The following DUS2 variants were observed in gnomAD, a reference collection of about 807,000 sequenced individuals.
The protein encoded by DUS2 is dihydrouridine synthase 2, also known as tRNA-dihydrouridine(20) synthase [NAD(P)+]-like.
In DUS2, 52 loss-of-function variants were observed where a neutral mutation model predicts 71.3. That is an observed-to-expected ratio of 0.73 (90% CI 0.58 to 0.92). The LOEUF (loss-of-function observed/expected upper bound fraction) is 0.92, where lower values mean the gene tolerates loss of function less well. DUS2 is among the 40% of genes least tolerant of loss of function. DUS2 has a pLI of 0.00. For synonymous variants in DUS2, 204 were observed against 227.8 expected (o/e 0.90, Z 0.94); for missense variants, 558 against 622.6 (o/e 0.90, Z 1.10).
At chr16:68,045,623 A>C (rs1168907593) in intron 3 of DUS2, among the ~76,000 whole-genome samples, 1 of 151,752 alleles carries the variant, frequency 6.6e-6, no homozygotes, top group African/African-American at 2.4e-5. Context: ...AAAAAAAAAA[A>C]AACATCATCT....
chr16:68,057,181 TAATA>T (rs903836672), intron 7 of DUS2, among the ~76,000 whole-genome samples: 4 of 142,080 alleles, frequency 2.8e-5, no homozygotes, highest in South Asian at 2.1e-4. Flanking sequence ...AATAAATATA[TAATA>T]AATATATATT....
intron 1 of DUS2, 195 bp downstream of exon 1, chr16:68,023,546 C>T: frequency 3.3e-6 from 1 of 304,052 alleles, no homozygotes; most frequent in Non-Finnish European, 6.6e-6. Flanking sequence ...TCCTCATTGC[C>T]CTGAGATAGC....
intron 6 of DUS2, among the ~76,000 whole-genome samples, chr16:68,054,992 G>A (rs2033831794): frequency 1.3e-5 from 2 of 151,756 alleles, no homozygotes; most frequent in Non-Finnish European, 1.5e-5. Context: ...GCAGTGAGCC[G>A]AGATTGCGCC....
chr16:68,055,197 C>T, intron 6 of DUS2, among the ~76,000 whole-genome samples: 1 of 152,140 alleles, frequency 6.6e-6, no homozygotes, highest in East Asian at 1.9e-4. Context: ...TTCCCAGGGA[C>T]TCCCATGACT....
intron 3 of DUS2, among the ~76,000 whole-genome samples, chr16:68,045,135 T>C (rs950057803): frequency 1.3e-5 from 2 of 152,204 alleles, no homozygotes; most frequent in African/African-American, 4.8e-5. Flanking sequence ...ATTTCTTAAT[T>C]TCCTTTTGTA....
rs535323344 is a variant in DUS2, at chr16:68,034,296, TGATCTCCCATCTCCAACTCAAGC to T, written c.-18-3701_-18-3679del. Among the ~76,000 whole-genome samples, 546 of 152,296 alleles carry T rather than the reference TGATCTCCCATCTCCAACTCAAGC, an allele frequency of 3.6e-3. 6 individuals are homozygous for T. Among genetic ancestry groups the T allele is most frequent in the African/African-American group, 0.012 (504 of 41,570 alleles). ...CCCAGGCTAATCTCCAACTCCAAGC[TGATCTCCCATCTCCAACTCAAGC>T]GATCTCCCCACCATGGCCTCCTTAG... is the stretch of plus-strand genomic sequence containing the variant. On this transcript the variant is annotated intron_variant, in intron 2 of 16. Transcript: ENST00000565263.
intron 2 of DUS2, among the ~76,000 whole-genome samples, chr16:68,033,900 A>AT (rs780188783): frequency 2.0e-4 from 30 of 151,836 alleles, no homozygotes; most frequent in Non-Finnish European, 2.5e-4. Context: ...CCAAAGCACT[A>AT]GGATTACAGA....
At chr16:68,035,647 C>T (rs953687350) in intron 2 of DUS2, among the ~76,000 whole-genome samples, 6 of 151,144 alleles carry the variant, frequency 4.0e-5, no homozygotes, top group African/African-American at 1.5e-4. Flanking sequence ...CCTTGGCCTC[C>T]CAAAGTGCTG....
At chr16:68,061,358 G>C (rs1165705758) in intron 8 of DUS2, among the ~76,000 whole-genome samples, 1 of 152,198 alleles carries the variant, frequency 6.6e-6, no homozygotes, top group Non-Finnish European at 1.5e-5. Context: ...TGTCAATGAA[G>C]AGCCAGGGGT....
chr16:68,073,868 T>C (rs1053293795), intron 12 of DUS2, among the ~76,000 whole-genome samples, 166 bp from the exon 13 acceptor site: 7 of 152,138 alleles, frequency 4.6e-5, no homozygotes, highest in African/African-American at 2.4e-5. Context: ...GGATTACAGA[T>C]GTGAGCCACT....
chr16:68,053,933 A>AT (rs969804842), intron 5 of DUS2: 2 of 421,446 alleles, frequency 4.7e-6, no homozygotes, highest in South Asian at 3.3e-5. Flanking sequence ...TGATTTCTCT[A>AT]TTTTTTTATC....
rs1283268746 is a variant in DUS2 at position 68,075,519 on chromosome 16, T to C, written c.1082+15T>C. The C allele has an allele frequency of 3.1e-6, 5 of 1,606,854 alleles. No homozygotes were observed. The highest frequency in any genetic ancestry group is 3.4e-6 in the Non-Finnish European group (4 of 1,176,028). ...AAGTTTGACCGGTAGGTCTCCAGCTTGGCCTCAGCTTGGGCTAGGGCCAGC... is the reference window on the plus strand; with the variant it reads ...AAGTTTGACCGGTAGGTCTCCAGCTCGGCCTCAGCTTGGGCTAGGGCCAGC... On this transcript the variant is annotated intron_variant, in intron 14 of 16. Transcript: ENST00000565263.
At chr16:68,070,019 C>T (rs1221803319) in intron 10 of DUS2, 115 bp from the exon 11 acceptor site, 17 of 894,150 alleles carry the variant, frequency 1.9e-5, no homozygotes, top group Non-Finnish European at 3.1e-5. Flanking sequence ...ATATGGCCAC[C>T]TGACCTTCCT....
intron 2 of DUS2, among the ~76,000 whole-genome samples, chr16:68,028,712 G>A (rs2033393979): frequency 6.6e-6 from 1 of 152,128 alleles, no homozygotes; most frequent in South Asian, 2.1e-4. Flanking sequence ...CATTTATTAA[G>A]CCTTTACTAT....
At chr16:68,066,805 G>C (rs2034011726) in intron 10 of DUS2, among the ~76,000 whole-genome samples, 169 bp downstream of exon 10, 1 of 152,150 alleles carries the variant, frequency 6.6e-6, no homozygotes, top group African/African-American at 2.4e-5. Context: ...GGCAGACCCT[G>C]AATGGGCTTT....
chr16:68,069,142 A>G (rs1282252974), intron 10 of DUS2, among the ~76,000 whole-genome samples: 1 of 151,946 alleles, frequency 6.6e-6, no homozygotes, highest in Non-Finnish European at 1.5e-5. Flanking sequence ...GAATCCCACC[A>G]CTTTAGGAGG....
intron 2 of DUS2, among the ~76,000 whole-genome samples, chr16:68,036,106 C>T (rs1157817638): frequency 6.6e-6 from 1 of 150,972 alleles, no homozygotes; most frequent in Non-Finnish European, 1.5e-5. Context: ...AAGCAATTCT[C>T]TTGCCTCAGC....
intron 12 of DUS2, among the ~76,000 whole-genome samples, chr16:68,071,745 C>T (rs895735503): frequency 2.0e-5 from 3 of 151,642 alleles, no homozygotes; most frequent in Admixed American, 2.0e-4. Flanking sequence ...TCAAGTGATC[C>T]TCCTGCTTCA....
chr16:68,048,192 T>A (rs1000209731), intron 3 of DUS2, among the ~76,000 whole-genome samples: 14 of 152,240 alleles, frequency 9.2e-5, no homozygotes, highest in Non-Finnish European at 2.9e-5. Flanking sequence ...GCTTAATTGT[T>A]AGCTAATATT....
Sources: allele counts gnomAD v4.1 joint callset (sites outside exome capture counted in the v4.1 genomes callset), GRCh38; gene constraint gnomAD v4.1.1; transcripts MANE v1.5; gene names NCBI Gene and HGNC (gene_info 2026-07-23, HGNC 2026-07-21).